ZFHX3: variants seen among roughly 807,000 people sequenced by gnomAD.
The protein encoded by ZFHX3 is zinc finger homeobox protein 3.
ZFHX3 carries 42 observed loss-of-function variants against 279.1 expected under a neutral mutation model. That is an observed-to-expected ratio of 0.15 (90% confidence interval 0.12 to 0.19). The LOEUF is 0.19. Ranked by LOEUF, ZFHX3 falls within the 10% of genes least tolerant of loss-of-function variation. The probability of loss-of-function intolerance (pLI) is 1.00; values close to 1 mark genes in which losing one functional copy is unlikely to be tolerated. For synonymous variants in ZFHX3, 2,293 were observed against 1,957.8 expected, an observed-to-expected ratio of 1.17 and a Z score of -4.52; for missense variants, 4,981 against 4,754.0, an observed-to-expected ratio of 1.05 and a Z score of -1.40.
At chr16:73,479,106 G>T (rs147943550) in intron 2 of ZFHX3, among the ~76,000 whole-genome samples, 1 of 152,126 alleles carries the variant, frequency 6.6e-6, no homozygotes, top group Non-Finnish European at 1.5e-5. Flanking sequence ...AAAAGACTGT[G>T]CTAGAGCCTG....
At chr16:73,224,513 C>G (rs181081962) in intron 5 of ZFHX3, among the ~76,000 whole-genome samples, 1 of 152,270 alleles carries the variant, frequency 6.6e-6, no homozygotes, top group Admixed American at 6.5e-5. Context: ...CAAGACAAGT[C>G]AAGGAACACA....
intron 1 of ZFHX3, among the ~76,000 whole-genome samples, chr16:73,801,226 C>T (rs1204972692): frequency 2.6e-5 from 4 of 152,092 alleles, no homozygotes; most frequent in African/African-American, 9.7e-5. Flanking sequence ...AAAACAAAAC[C>T]TTAGTTACTG....
At chr16:72,914,214 G>A in intron 3 of ZFHX3, among the ~76,000 whole-genome samples, 1 of 152,198 alleles carries the variant, frequency 6.6e-6, no homozygotes, top group East Asian at 1.9e-4. Context: ...GTGAGTGACA[G>A]CGCTAAGGAG....
chr16:73,234,389 A>C (rs146684721), intron 5 of ZFHX3, among the ~76,000 whole-genome samples: 1 of 152,240 alleles, frequency 6.6e-6, no homozygotes, highest in East Asian at 1.9e-4. Context: ...CCACTTAACT[A>C]TGTCCCCTGT....
intron 2 of ZFHX3, among the ~76,000 whole-genome samples, chr16:73,552,133 C>T (rs1326309581): frequency 6.6e-6 from 1 of 152,094 alleles, no homozygotes; most frequent in African/African-American, 2.4e-5. Context: ...AGCCCTAACT[C>T]AAGAAATAAA....
intron 3 of ZFHX3, among the ~76,000 whole-genome samples, chr16:72,903,986 T>C (rs1004900270): frequency 5.9e-5 from 9 of 152,160 alleles, no homozygotes; most frequent in Middle Eastern, 3.2e-3. Context: ...CCACCTTTGC[T>C]CCTCCGCCAC....
chr16:73,586,205 A>T (rs909276935), intron 2 of ZFHX3, among the ~76,000 whole-genome samples: 5 of 151,948 alleles, frequency 3.3e-5, no homozygotes, highest in African/African-American at 1.2e-4. Flanking sequence ...CCTGGCCAAC[A>T]TGGTGAAACC....
intron 2 of ZFHX3, among the ~76,000 whole-genome samples, chr16:73,574,346 C>T (rs968768806): frequency 1.8e-5 from 2 of 108,978 alleles, no homozygotes; most frequent in Non-Finnish European, 3.5e-5. Flanking sequence ...ATTTCTTGGG[C>T]CCCCCCCAGC....
rs1187630427 is a variant in ZFHX3, at chr16:73,546,720, TGCTGC to T, written c.-1546-90467_-1546-90463del. ...CTGCTGCTGCTGCTGCTGCTGCTGC[TGCTGC>T]TGCTGCTGCTGTTGCTTCTTTTTCG... On this transcript the variant is annotated intron_variant, in intron 2 of 17. Transcript: ENST00000641206. Among the ~76,000 whole-genome samples the T allele has an allele frequency of 9.4e-5, 12 of 127,678 alleles. 1 individual carries two copies. Among genetic ancestry groups the T allele is most frequent in the Non-Finnish European group, 1.4e-4 (8 of 58,358 alleles). The allele number at this position is 127,678 out of a possible 152,430, so 83.8% of individuals were successfully genotyped here.
intron 1 of ZFHX3, among the ~76,000 whole-genome samples, chr16:73,718,479 G>A (rs2053438601): frequency 6.6e-6 from 1 of 152,096 alleles, no homozygotes; most frequent in Non-Finnish European, 1.5e-5. Context: ...TGTTTGGCAG[G>A]GACATTTGCA....
chr16:73,616,045 T>G (rs1679247136), intron 2 of ZFHX3, among the ~76,000 whole-genome samples: 1 of 152,074 alleles, frequency 6.6e-6, no homozygotes, highest in African/African-American at 2.4e-5. Flanking sequence ...ATTAGAATGT[T>G]TGGATTGAAA....
chr16:72,919,299 C>T (rs1360769006), intron 3 of ZFHX3, among the ~76,000 whole-genome samples: 1 of 152,102 alleles, frequency 6.6e-6, no homozygotes, highest in Non-Finnish European at 1.5e-5. Context: ...GCTAGGACTA[C>T]AGGCGTGCAC....
intron 3 of ZFHX3, among the ~76,000 whole-genome samples, chr16:73,346,550 C>A (rs963087708): frequency 1.3e-5 from 2 of 151,588 alleles, no homozygotes; most frequent in Non-Finnish European, 3.0e-5. Flanking sequence ...CGGCTCACTG[C>A]AACCTCCACC....
At chr16:72,812,484 T>A (rs117208826) in intron 5 of ZFHX3, among the ~76,000 whole-genome samples, 3,282 of 152,250 alleles carry the variant, frequency 0.022, 48 homozygotes, top group Non-Finnish European at 0.033. Context: ...AACTTTATTG[T>A]CCCTCCTCTT....
At chr16:72,909,217 A>G (rs751953751) in intron 3 of ZFHX3, among the ~76,000 whole-genome samples, 3 of 152,232 alleles carry the variant, frequency 2.0e-5, no homozygotes, top group Admixed American at 6.5e-5. Flanking sequence ...GCACGTTTCT[A>G]AAATGTAGGC....
At chr16:73,129,710 GTGTA>G (rs1160994378) in intron 7 of ZFHX3, among the ~76,000 whole-genome samples, 9 of 128,882 alleles carry the variant, frequency 7.0e-5, no homozygotes, top group Non-Finnish European at 1.2e-4. Context: ...GTGTGTGCAT[GTGTA>G]TGTGTGTGTG....
intron 9 of ZFHX3, chr16:72,789,748 C>T (rs1228029304): frequency 6.6e-6 from 1 of 152,216 alleles, no homozygotes; most frequent in African/African-American, 2.4e-5. Flanking sequence ...GTCTACTCAA[C>T]AGTATAACCG....
intron 1 of ZFHX3, among the ~76,000 whole-genome samples, chr16:73,033,512 G>C (rs1046320506): frequency 6.6e-6 from 1 of 151,750 alleles, no homozygotes; most frequent in Non-Finnish European, 1.5e-5. Context: ...ACTTGACTGG[G>C]GGGAAAGGGG....
At chr16:73,780,117 T>C (rs1197640791) in intron 1 of ZFHX3, among the ~76,000 whole-genome samples, 1 of 60,530 alleles carries the variant, frequency 1.7e-5, no homozygotes, top group Non-Finnish European at 2.7e-5. Context: ...TTGAATTTTT[T>C]TTTTTTTTTT....
Sources: gnomAD v4.1 joint callset for allele counts (sites outside exome capture counted in the v4.1 genomes callset) on GRCh38, gnomAD v4.1.1 for gene constraint, MANE v1.5 for transcripts, NCBI Gene and HGNC (gene_info 2026-07-23, HGNC 2026-07-21) for gene names.